Variants in DUSP18 observed in about 807,000 individuals in gnomAD.
DUSP18 encodes dual specificity protein phosphatase 18.
A neutral mutation model predicts 6.3 loss-of-function variants in DUSP18; 4 were observed. The observed-to-expected ratio is 0.63, with a 90% confidence interval of 0.31 to 1.45. DUSP18 has a LOEUF of 1.45. Ranked by LOEUF, DUSP18 falls within the 40% of genes most tolerant of loss-of-function variation. The pLI is 0.07. For synonymous variants in DUSP18, 96 were observed against 95.1 expected, an observed-to-expected ratio of 1.01 and a Z score of -0.05; for missense variants, 235 against 247.7, an observed-to-expected ratio of 0.95 and a Z score of 0.34.
chr22:30,664,196 C>G (rs1184234350), intron 1 of DUSP18, 116 bp from the exon 2 acceptor site: 2 of 603,164 alleles, frequency 3.3e-6, no homozygotes, highest in African/African-American at 3.7e-5. Flanking sequence ...CTCTGACCAT[C>G]ACAGCAGAAC....
At chr22:30,657,048 G>C (rs910552427), downstream of DUSP18, among the ~76,000 whole-genome samples, 6 of 152,172 alleles carry the variant, frequency 3.9e-5, no homozygotes, top group Non-Finnish European at 5.9e-5. Flanking sequence ...GAAGGAACTA[G>C]ATCACAATAC....
intron 2 of DUSP18, among the ~76,000 whole-genome samples, chr22:30,656,311 G>C (rs1322939547): frequency 6.6e-6 from 1 of 152,080 alleles, no homozygotes; most frequent in Non-Finnish European, 1.5e-5. Flanking sequence ...CCCAGGATAG[G>C]AAAGCAGGGC....
At position 30,652,825 on chromosome 22, in the gene DUSP18, C is replaced by CT. The variant is rs540107134; in HGVS notation, c.*34-529dup. Among the ~76,000 whole-genome samples, 1,473 of 152,340 alleles carry CT rather than the reference C, an allele frequency of 9.7e-3. 14 individuals are homozygous for CT. The highest frequency in any genetic ancestry group is 0.03 in the South Asian group (147 of 4,826). On this transcript the variant is annotated intron_variant, in intron 2 of 2. Transcript: ENST00000404885. Reference sequence around the variant, plus strand: ...TAAATCTGATCTCAAAAGTCACACTCTGTCATTTCTCCAGTATCTTATTGG... The same window carrying CT: ...TAAATCTGATCTCAAAAGTCACACTCTTGTCATTTCTCCAGTATCTTATTGG...
At chr22:30,653,074 C>G (rs1221640042) in intron 2 of DUSP18, among the ~76,000 whole-genome samples, 1 of 152,180 alleles carries the variant, frequency 6.6e-6, no homozygotes. Flanking sequence ...CCTCTGCATC[C>G]TCCCTAACCA....
chr22:30,652,402 CTAA>C (rs751730535), intron 2 of DUSP18: 11 of 152,270 alleles, frequency 7.2e-5, no homozygotes, highest in Non-Finnish European at 1.5e-4. Flanking sequence ...AATCTTGTGG[CTAA>C]TGTTAGTCCT....
At chr22:30,658,959 A>G (rs2088401573), downstream of DUSP18, among the ~76,000 whole-genome samples, 1 of 151,974 alleles carries the variant, frequency 6.6e-6, no homozygotes, top group Non-Finnish European at 1.5e-5. Context: ...CCTGGCTAAC[A>G]TGGCGAAACC....
intron 2 of DUSP18, among the ~76,000 whole-genome samples, chr22:30,655,225 A>G (rs5997726): frequency 0.64 from 95,551 of 150,448 alleles, 31,371 homozygotes; most frequent in East Asian, 0.81. Flanking sequence ...GGAGGCTGAG[A>G]AAGGTGGATG....
At chr22:30,659,907 G>A (rs1490009039), downstream of DUSP18, among the ~76,000 whole-genome samples, 1 of 152,206 alleles carries the variant, frequency 6.6e-6, no homozygotes, top group African/African-American at 2.4e-5. Flanking sequence ...TAAAGTGTGA[G>A]AAGAATTCAA....
At chr22:30,656,192 A>G (rs1408761823) in intron 2 of DUSP18, among the ~76,000 whole-genome samples, 1 of 151,514 alleles carries the variant, frequency 6.6e-6, no homozygotes, top group East Asian at 2.0e-4. Flanking sequence ...GCCCAGGCTG[A>G]TCGCAAATTC....
rs769777449 is a variant in DUSP18 at position 30,663,627 on chromosome 22, G to C, written c.377C>G (p.Ser126Cys). The change falls in exon 2 of 2, where the codon TCC becomes TGC. Residue 126 changes from serine (S) to cysteine (C), a missense_variant. Coordinates refer to ENST00000334679, the MANE Select transcript of DUSP18 (RefSeq NM_152511.5). Reference protein sequence around the residue: ...LAYLMKYHAMSLLDAHTWTKS... With the variant: ...LAYLMKYHAMCLLDAHTWTKS... ...GGTCCACGTGTGGGCGTCCAGCAGG[G>C]ACATGGCGTGGTACTTCATGAGGTA... is the stretch of plus-strand genomic sequence containing the variant. 6.2e-7 allele frequency: 1 copy of C among 1,614,244 alleles called. No homozygotes were observed. Among genetic ancestry groups the C allele is most frequent in the Non-Finnish European group, 8.5e-7 (1 of 1,180,048 alleles).
chr22:30,666,621 C>CAAAAAAAAAAAAAAAAAA (rs55979351), intron 1 of DUSP18, among the ~76,000 whole-genome samples: 1 of 62,498 alleles, frequency 1.6e-5, no homozygotes, highest in African/African-American at 7.5e-5. Flanking sequence ...GACTCCATCT[C>CAAAAAAAAAAAAAAAAAA]AAAAAAAAAA....
At chr22:30,665,534 A>G (rs117531294) in intron 1 of DUSP18, 14,204 of 470,890 alleles carry the variant, frequency 0.03, 278 homozygotes, top group Non-Finnish European at 0.041. Context: ...CAGAAGTCTG[A>G]GGAGCCTTAA....
chr22:30,655,558 C>T (rs925732691), intron 2 of DUSP18, among the ~76,000 whole-genome samples: 32 of 151,116 alleles, frequency 2.1e-4, no homozygotes, highest in Non-Finnish European at 4.1e-4. Context: ...GCCAAGGGCA[C>T]GTCTAGCATG....
chr22:30,662,435 C>T lies in DUSP18; in HGVS notation c.*1002G>A, dbSNP rs370995187. ...GTTAGGCCTGTTTTTCTCATGTGCC[C>T]TGGAGAAGGGGACTAACACCATCTT... On this transcript the variant is annotated 3_prime_UTR_variant, in exon 2 of 2. Coordinates refer to ENST00000334679, the MANE Select transcript of DUSP18 (RefSeq NM_152511.5). 1 of 152,168 alleles carries T rather than the reference C, an allele frequency of 6.6e-6. No individual in the cohort carries two copies. The highest frequency in any genetic ancestry group is 1.5e-5 in the Non-Finnish European group (1 of 68,038). The allele number at this position is 152,168 out of a possible 1,614,324, so 9.4% of individuals were successfully genotyped here.
At chr22:30,656,148 T>A (rs548677758) in intron 2 of DUSP18, among the ~76,000 whole-genome samples, 96 of 151,830 alleles carry the variant, frequency 6.3e-4, no homozygotes, top group South Asian at 1.7e-3. Context: ...TTTTTTTTTT[T>A]AAACTTTTTG....
chr22:30,659,681 T>TA (rs1569066451), downstream of DUSP18, among the ~76,000 whole-genome samples: 1 of 152,184 alleles, frequency 6.6e-6, no homozygotes, highest in Non-Finnish European at 1.5e-5. Flanking sequence ...TAAGAAAATA[T>TA]AAGAATCAAG....
At chr22:30,658,406 G>A (rs2088390307), downstream of DUSP18, among the ~76,000 whole-genome samples, 1 of 151,254 alleles carries the variant, frequency 6.6e-6, no homozygotes. Context: ...TTTGGGGGTA[G>A]CAGCAGTAAC....
chr22:30,657,411 A>T (rs1166279029), downstream of DUSP18, among the ~76,000 whole-genome samples: 1 of 149,064 alleles, frequency 6.7e-6, no homozygotes, highest in African/African-American at 2.5e-5. Context: ...GTAAGCCGAG[A>T]TCACACCATT....
rs1303911074 is a variant in DUSP18 at position 30,662,804 on chromosome 22, G to A, written c.*633C>T. 1 of 152,360 alleles carries A rather than the reference G, an allele frequency of 6.6e-6. No individual in the cohort carries two copies. Among genetic ancestry groups the A allele is most frequent in the Non-Finnish European group, 1.5e-5 (1 of 68,242 alleles). 9.4% of individuals were successfully genotyped at this position (152,360 alleles called of 1,614,324 possible). On this transcript the variant is annotated 3_prime_UTR_variant, in exon 2 of 2. Transcript: ENST00000334679. ...TGATCACACTACTGCACTCTAGGAT[G>A]GGTGACAGAGCAGGACAGTTTCAAA... is the stretch of plus-strand genomic sequence containing the variant.
Sources: gnomAD v4.1 joint callset for allele counts (sites outside exome capture counted in the v4.1 genomes callset) on GRCh38, gnomAD v4.1.1 for gene constraint, MANE v1.5 for transcripts, NCBI Gene and HGNC (gene_info 2026-07-23, HGNC 2026-07-21) for gene names.